The following NIN variants were observed in gnomAD, a reference collection of about 807,000 sequenced individuals.
NIN encodes glycogen synthase kinase 3 beta-interacting protein.
In NIN, 137 loss-of-function variants were observed where a neutral mutation model predicts 257.6. The observed-to-expected ratio is 0.53, with a 90% CI of 0.46 to 0.61. The LOEUF is 0.61. NIN is among the 20% of genes least tolerant of loss of function. NIN has a pLI of 0.00. For missense variants in NIN, 2,439 were observed against 2,501.2 expected (o/e 0.98, Z 0.53); for synonymous variants, 918 against 919.8 (o/e 1.00, Z 0.04).
At chr14:50,818,080 T>G (rs554335210) in intron 3 of NIN, among the ~76,000 whole-genome samples, 1 of 151,160 alleles carries the variant, frequency 6.6e-6, no homozygotes, top group Non-Finnish European at 1.5e-5. Context: ...CCCCAGCACT[T>G]TGGGAGGCCG....
intron 3 of NIN, among the ~76,000 whole-genome samples, chr14:50,818,811 G>T (rs2045057367): frequency 6.6e-6 from 1 of 151,974 alleles, no homozygotes; most frequent in Admixed American, 6.5e-5. Context: ...AAATAATTTG[G>T]GGGAAAATGA....
At chr14:50,751,219 T>C (rs2041775435) in intron 21 of NIN, among the ~76,000 whole-genome samples, 1 of 152,222 alleles carries the variant, frequency 6.6e-6, no homozygotes, top group South Asian at 2.1e-4. Context: ...TTAGAAACAG[T>C]GCTGCAGTGA....
At chr14:50,774,802 T>C (rs927465248) in intron 7 of NIN, among the ~76,000 whole-genome samples, 4 of 152,124 alleles carry the variant, frequency 2.6e-5, no homozygotes. Flanking sequence ...TTATTTTAGA[T>C]GGTGGAGTGG....
chr14:50,760,604 T>C lies in NIN; in HGVS notation c.1897-245A>G, dbSNP rs10141242. Among the ~76,000 whole-genome samples, 27,983 of 152,098 alleles carry C rather than the reference T, an allele frequency of 0.18. 3,288 individuals are homozygous for C. Among genetic ancestry groups the C allele is most frequent in the African/African-American group, 0.34 (13,984 of 41,440 alleles). On this transcript the variant is annotated intron_variant, in intron 16 of 30. Coordinates refer to ENST00000530997, the MANE Select transcript of NIN (RefSeq NM_020921.4). Reference sequence around the variant, plus strand: ...GTGTCTGAACAACCTTATTAAGAACTGAGCAGCCATTACACATAGCTACCC... The same window carrying C: ...GTGTCTGAACAACCTTATTAAGAACCGAGCAGCCATTACACATAGCTACCC...
At chr14:50,779,659 G>A (rs1428986974) in intron 5 of NIN, among the ~76,000 whole-genome samples, 1 of 152,086 alleles carries the variant, frequency 6.6e-6, no homozygotes, top group Non-Finnish European at 1.5e-5. Context: ...TCGGGAGGCT[G>A]AGGCAGGAGA....
Position 50,757,309 on chromosome 14 carries a change from TTC to T in NIN, c.3719_3720del (p.Arg1240AsnfsTer3), listed in dbSNP as rs767646438. ...VLKKKLKMLE[R>X]IPEASPKYKL... ...TTATATTTGGGAGAAGCCTCAGGGA[TTC>T]TCTCAAGCATCTTCAGTTTCTTTTT... On this transcript the variant is annotated frameshift_variant, in exon 18 of 31. Coordinates refer to ENST00000530997, the MANE Select transcript of NIN (RefSeq NM_020921.4). LOFTEE classifies it high-confidence loss of function. 4.3e-6 allele frequency: 7 copies of T among 1,614,042 alleles called. No homozygotes were observed. Among genetic ancestry groups the T allele is most frequent in the Non-Finnish European group, 5.9e-6 (7 of 1,179,984 alleles).
At chr14:50,747,040 A>C (rs536807464) in intron 22 of NIN, among the ~76,000 whole-genome samples, 2 of 152,028 alleles carry the variant, frequency 1.3e-5, no homozygotes, top group African/African-American at 4.8e-5. Flanking sequence ...TTTTTTGTAG[A>C]GATATGGTTT....
chr14:50,799,420 G>A (rs752646288), intron 4 of NIN, among the ~76,000 whole-genome samples: 1 of 152,158 alleles, frequency 6.6e-6, no homozygotes, highest in African/African-American at 2.4e-5. Context: ...AACCATGGGA[G>A]CAGTCAGCAA....
At chr14:50,750,962 G>A (rs893010948) in intron 21 of NIN, among the ~76,000 whole-genome samples, 3 of 152,054 alleles carry the variant, frequency 2.0e-5, no homozygotes, top group Admixed American at 6.6e-5. Context: ...TTGCACAAAT[G>A]AGCAGACATG....
intron 27 of NIN, among the ~76,000 whole-genome samples, chr14:50,736,940 C>G (rs1380550265): frequency 6.6e-6 from 1 of 152,172 alleles, no homozygotes; most frequent in African/African-American, 2.4e-5. Flanking sequence ...GTCTAGAACT[C>G]TAACTTCATG....
chr14:50,734,567 A>G (rs911869203), intron 28 of NIN, among the ~76,000 whole-genome samples: 1 of 152,252 alleles, frequency 6.6e-6, no homozygotes, highest in African/African-American at 2.4e-5. Flanking sequence ...CTTAAGAAGG[A>G]TGTACACATA....
chr14:50,738,607 T>TC (rs370442099), intron 26 of NIN, among the ~76,000 whole-genome samples: 17 of 152,308 alleles, frequency 1.1e-4, no homozygotes, highest in African/African-American at 3.9e-4. Context: ...GCCCTTTTTT[T>TC]CTGACATGAA....
chr14:50,815,286 A>G lies in NIN; in HGVS notation c.183+6588T>C, dbSNP rs572450226. 2.0e-5 allele frequency among the ~76,000 whole-genome samples: 3 copies of G among 152,374 alleles called. No individual in the cohort carries two copies. The East Asian group carries it at 5.8e-4, about 29-fold the overall frequency. ...CATTCATGCAGCCAATAAACACGAAAAAAAGCTCAACATCACTGATCATTA... is the reference window on the plus strand; with the variant it reads ...CATTCATGCAGCCAATAAACACGAAGAAAAGCTCAACATCACTGATCATTA... On this transcript the variant is annotated intron_variant, in intron 3 of 30. Transcript: ENST00000530997.
At chr14:50,785,241 G>C (rs900802509) in intron 5 of NIN, among the ~76,000 whole-genome samples, 1 of 152,260 alleles carries the variant, frequency 6.6e-6, no homozygotes, top group Non-Finnish European at 1.5e-5. Flanking sequence ...TGGATCTCCA[G>C]CTTCCAGCCC....
At chr14:50,730,256 A>C (rs1220604582) in intron 28 of NIN, among the ~76,000 whole-genome samples, 1 of 152,214 alleles carries the variant, frequency 6.6e-6, no homozygotes, top group African/African-American at 2.4e-5. Context: ...CTTAGATTAA[A>C]CAGCACAAGA....
chr14:50,804,009 C>A (rs2044213122), intron 4 of NIN, among the ~76,000 whole-genome samples: 1 of 151,904 alleles, frequency 6.6e-6, no homozygotes, highest in Non-Finnish European at 1.5e-5. Flanking sequence ...AATTCTCCTG[C>A]ATCAGCCTTC....
At chr14:50,799,339 C>T (rs1324178401) in intron 4 of NIN, among the ~76,000 whole-genome samples, 1 of 152,206 alleles carries the variant, frequency 6.6e-6, no homozygotes. Context: ...TCTGGTCCTT[C>T]CACCGGGACT....
At chr14:50,766,187 G>C (rs963369493) in intron 14 of NIN, 120 bp downstream of exon 14, 2 of 715,300 alleles carry the variant, frequency 2.8e-6, no homozygotes, top group Non-Finnish European at 4.8e-6. Context: ...TTTTATGCAT[G>C]AGGAATGGAA....
intron 3 of NIN, among the ~76,000 whole-genome samples, chr14:50,818,540 T>G (rs1261210867): frequency 6.6e-6 from 1 of 152,174 alleles, no homozygotes; most frequent in South Asian, 2.1e-4. Context: ...GTGCCATGTA[T>G]ATTACCCGAC....
Sources: gnomAD v4.1 joint callset for allele counts (sites outside exome capture counted in the v4.1 genomes callset) on GRCh38, gnomAD v4.1.1 for gene constraint, MANE v1.5 for transcripts, NCBI Gene and HGNC (gene_info 2026-07-23, HGNC 2026-07-21) for gene names.